DOCK3: variants seen among roughly 807,000 people sequenced by gnomAD.
DOCK3 encodes the protein dedicator of cytokinesis 3, also known as dedicator of cytokinesis protein 3.
DOCK3 carries 60 observed loss-of-function variants against 265.6 expected under a neutral mutation model. That is an observed-to-expected ratio of 0.23 (90% CI 0.18 to 0.28). The LOEUF (loss-of-function observed/expected upper bound fraction) is 0.28. Among genes scored for constraint, DOCK3 ranks in the 10% least tolerant of loss-of-function variants. DOCK3 has a pLI of 1.00. For missense variants in DOCK3, 1,981 were observed against 2,594.3 expected (o/e 0.76, Z 5.14); for synonymous variants, 881 against 938.0 (o/e 0.94, Z 1.11).
At chr3:50,680,219 T>TG (rs2034292486) in intron 1 of DOCK3, among the ~76,000 whole-genome samples, 1 of 151,024 alleles carries the variant, frequency 6.6e-6, no homozygotes, top group African/African-American at 2.4e-5. Context: ...TTCTTTCTTT[T>TG]TTTTTTTTTT....
intron 22 of DOCK3, among the ~76,000 whole-genome samples, chr3:51,250,684 C>T (rs1334841723): frequency 6.6e-6 from 1 of 152,112 alleles, no homozygotes; most frequent in African/African-American, 2.4e-5. Flanking sequence ...GATTATGGAA[C>T]AGACTGGCTG....
At chr3:50,803,372 A>C (rs1449728793) in intron 2 of DOCK3, among the ~76,000 whole-genome samples, 1 of 152,192 alleles carries the variant, frequency 6.6e-6, no homozygotes, top group Non-Finnish European at 1.5e-5. Context: ...CACATGTTTC[A>C]GAGAGCACGG....
rs33915233 is a variant in DOCK3, at chr3:51,198,579, C to CAAAA, written c.1038-10181_1038-10178dup. 1.7e-4 allele frequency among the ~76,000 whole-genome samples: 22 copies of CAAAA among 131,094 alleles called. 3 individuals carry two copies. The highest frequency in any genetic ancestry group is 8.8e-4 in the East Asian group (4 of 4,560). 86.0% of individuals were successfully genotyped at this position (131,094 alleles called of 152,430 possible). A position where few individuals can be genotyped will look rare whatever the true frequency, so the allele number is the denominator to read the frequency against. ...TATTTATCATTCACTGACAGGTCAC[C>CAAAA]AAAAAAAAAAAAAAAAACAGGGAAA... is the stretch of plus-strand genomic sequence containing the variant. On this transcript the variant is annotated intron_variant, in intron 12 of 52. Coordinates refer to ENST00000266037, the MANE Select transcript of DOCK3 (RefSeq NM_004947.5).
chr3:51,379,219 T>C (rs2088397490), intron 51 of DOCK3, among the ~76,000 whole-genome samples: 2 of 152,236 alleles, frequency 1.3e-5, no homozygotes, highest in African/African-American at 4.8e-5. Flanking sequence ...GAATACTCTT[T>C]AGACATAAAC....
In DOCK3 at chr3:50,718,276, A is replaced by G. The variant is rs115393852; in HGVS notation, c.37+42976A>G. Among the ~76,000 whole-genome samples the G allele has an allele frequency of 7.7e-3, 1,180 of 152,294 alleles. 13 individuals carry two copies. Among genetic ancestry groups the G allele is most frequent in the African/African-American group, 0.027 (1,117 of 41,550 alleles). On this transcript the variant is annotated intron_variant, in intron 1 of 52. Coordinates refer to ENST00000266037, the MANE Select transcript of DOCK3 (RefSeq NM_004947.5). ...CTCAAAACTATCCTGTTTCCTCAAT[A>G]AGAGATCATGAGCAAGATATTCCCT... is the stretch of plus-strand genomic sequence containing the variant.
chr3:50,676,361 G>A (rs1352571988), intron 1 of DOCK3, among the ~76,000 whole-genome samples: 3 of 152,206 alleles, frequency 2.0e-5, no homozygotes, highest in African/African-American at 7.2e-5. Context: ...CAGCAGAGAG[G>A]TCTTCTATTC....
intron 2 of DOCK3, among the ~76,000 whole-genome samples, chr3:50,830,351 G>A (rs2045065817): frequency 6.6e-6 from 1 of 152,150 alleles, no homozygotes; most frequent in Non-Finnish European, 1.5e-5. Context: ...TTTAATCATG[G>A]TATGGAATGG....
chr3:51,028,932 T>C (rs1336498785), intron 5 of DOCK3, among the ~76,000 whole-genome samples: 1 of 152,200 alleles, frequency 6.6e-6, no homozygotes, highest in Non-Finnish European at 1.5e-5. Context: ...CTGGTTGGCA[T>C]CCATTGCTAG....
At chr3:51,087,523 A>G (rs553851244) in intron 7 of DOCK3, among the ~76,000 whole-genome samples, 1 of 152,350 alleles carries the variant, frequency 6.6e-6, no homozygotes, top group South Asian at 2.1e-4. Context: ...CACAGCTGAC[A>G]TCATACTGAA....
At chr3:50,746,644 G>A (rs1488882121) in intron 1 of DOCK3, among the ~76,000 whole-genome samples, 1 of 152,166 alleles carries the variant, frequency 6.6e-6, no homozygotes, top group Non-Finnish European at 1.5e-5. Context: ...TCTGCAGGCT[G>A]TACACACGGC....
At position 50,901,057 on chromosome 3, in the gene DOCK3, T is replaced by C. The variant is rs2049164115; in HGVS notation, c.218+10976T>C. On this transcript the variant is annotated intron_variant, in intron 4 of 52. Coordinates refer to ENST00000266037, the MANE Select transcript of DOCK3 (RefSeq NM_004947.5). ...ACAGACAGGCTGGAACATTTAAGTCTGCTGATGCAGTGCCTGCTGCCGCCC... is the reference window on the plus strand; with the variant it reads ...ACAGACAGGCTGGAACATTTAAGTCCGCTGATGCAGTGCCTGCTGCCGCCC... 6.7e-5 allele frequency: 20 copies of C among 299,890 alleles called. 1 individual carries two copies. The highest frequency in any genetic ancestry group is 5.4e-4 in the South Asian group (20 of 37,170). 18.6% of individuals were successfully genotyped at this position (299,890 alleles called of 1,614,324 possible). A position where few individuals can be genotyped will look rare whatever the true frequency, so the allele number is the denominator to read the frequency against.
intron 5 of DOCK3, among the ~76,000 whole-genome samples, chr3:51,015,672 T>A (rs1305215854): frequency 7.3e-6 from 1 of 137,658 alleles, no homozygotes; most frequent in African/African-American, 2.7e-5. Flanking sequence ...TTCACATTTG[T>A]TTTTTGGAAT....
chr3:51,199,324 C>G (rs1345435248), intron 12 of DOCK3, among the ~76,000 whole-genome samples: 2 of 152,178 alleles, frequency 1.3e-5, no homozygotes, highest in Admixed American at 1.3e-4. Context: ...AAAATCGGGT[C>G]ACTCCCACCC....
At chr3:51,194,507 A>T (rs748447930) in intron 12 of DOCK3, among the ~76,000 whole-genome samples, 27 of 152,172 alleles carry the variant, frequency 1.8e-4, no homozygotes, top group Non-Finnish European at 3.4e-4. Context: ...GGAATGTTGA[A>T]GTCCCCAACT....
intron 39 of DOCK3, 136 bp downstream of exon 39, chr3:51,349,074 A>G (rs2085792674): frequency 6.2e-6 from 5 of 806,420 alleles, no homozygotes; most frequent in Non-Finnish European, 9.8e-6. Flanking sequence ...TGCCCTCAGG[A>G]CACTTGCAGT....
chr3:50,845,283 A>C (rs994250166), intron 3 of DOCK3, among the ~76,000 whole-genome samples: 1 of 152,246 alleles, frequency 6.6e-6, no homozygotes, highest in Non-Finnish European at 1.5e-5. Context: ...TTGAGAAAAA[A>C]GGACAACAGA....
intron 9 of DOCK3, among the ~76,000 whole-genome samples, chr3:51,099,851 TAA>T (rs1251633085): frequency 6.6e-6 from 1 of 152,180 alleles, no homozygotes; most frequent in African/African-American, 2.4e-5. Context: ...CTGTGCTAAA[TAA>T]GATTGTCAGG....
intron 23 of DOCK3, among the ~76,000 whole-genome samples, chr3:51,263,878 A>G (rs568750461): frequency 6.6e-6 from 1 of 152,350 alleles, no homozygotes; most frequent in African/African-American, 2.4e-5. Flanking sequence ...TATCCAAAAT[A>G]TATATGCACC....
Position 51,075,396 on chromosome 3 carries a change from G to C in DOCK3, c.505G>C (p.Val169Leu), listed in dbSNP as rs372196048. Reference protein sequence around the residue: ...LDLVPRKDFEVVDSDQISVSD... With the variant: ...LDLVPRKDFELVDSDQISVSD... ...CCTGGTGCCTCGGAAGGACTTTGAA[G>C]TAGTGGACTCGGACCAGATTAGTGT... The change falls in exon 7 of 53, where the codon GTA (valine) becomes CTA (leucine). Residue 169 changes from valine (V) to leucine (L), a missense_variant. Physicochemically the swap from Val to Leu is conservative, Grantham distance 32. Coordinates refer to ENST00000266037, the MANE Select transcript of DOCK3 (RefSeq NM_004947.5). The C allele has an allele frequency of 6.2e-7, 1 of 1,611,400 alleles. No homozygotes were observed.
Sources: gnomAD v4.1 joint callset for allele counts (sites outside exome capture counted in the v4.1 genomes callset) on GRCh38, gnomAD v4.1.1 for gene constraint, MANE v1.5 for transcripts, NCBI Gene and HGNC (gene_info 2026-07-23, HGNC 2026-07-21) for gene names.